Variants in SDK1 observed in about 807,000 individuals in gnomAD.
SDK1 encodes the protein sidekick cell adhesion molecule 1, also known as protein sidekick-1.
In SDK1, 157 loss-of-function variants were observed where a neutral mutation model predicts 245.5. That is an observed-to-expected ratio of 0.64 (90% CI 0.56 to 0.73). SDK1 has a LOEUF of 0.73. Ranked by LOEUF, SDK1 falls within the 30% of genes least tolerant of loss-of-function variation. The pLI is 0.00. For synonymous variants in SDK1, 1,647 were observed against 1,278.5 expected, an observed-to-expected ratio of 1.29 and a Z score of -6.15; for missense variants, 3,583 against 3,002.3, an observed-to-expected ratio of 1.19 and a Z score of -4.52.
At chr7:3,833,182 G>T (rs566122358) in intron 5 of SDK1, among the ~76,000 whole-genome samples, 1 of 152,058 alleles carries the variant, frequency 6.6e-6, no homozygotes, top group African/African-American at 2.4e-5. Context: ...AAGAATGAAG[G>T]CTTTTCCATT....
At chr7:3,766,636 C>G (rs1264739803) in intron 4 of SDK1, among the ~76,000 whole-genome samples, 2 of 152,094 alleles carry the variant, frequency 1.3e-5, no homozygotes, top group Non-Finnish European at 2.9e-5. Context: ...CATGCAAGAT[C>G]TGTAAAGAAT....
intron 1 of SDK1, among the ~76,000 whole-genome samples, chr7:3,559,322 T>C (rs1779678474): frequency 6.6e-6 from 1 of 152,112 alleles, no homozygotes; most frequent in Non-Finnish European, 1.5e-5. Flanking sequence ...CTTTGTGAAA[T>C]GGTAGTTGGA....
intron 16 of SDK1, 75 bp downstream of exon 16, chr7:4,012,310 C>G: frequency 7.2e-7 from 1 of 1,395,320 alleles, no homozygotes; most frequent in Non-Finnish European, 9.4e-7. Context: ...GTTGCAAACT[C>G]TAATGTCTGT....
chr7:3,331,957 A>G (rs1479025768), intron 1 of SDK1, among the ~76,000 whole-genome samples: 4 of 152,222 alleles, frequency 2.6e-5, no homozygotes, highest in Non-Finnish European at 5.9e-5. Flanking sequence ...CTTACTTTAC[A>G]GGTACTAAAA....
At chr7:3,579,529 T>C (rs1047711572) in intron 1 of SDK1, among the ~76,000 whole-genome samples, 5 of 152,172 alleles carry the variant, frequency 3.3e-5, no homozygotes, top group African/African-American at 1.2e-4. Context: ...AACCTCAAAA[T>C]AATAAGAGCC....
chr7:3,645,304 A>T (rs756386349), intron 4 of SDK1, among the ~76,000 whole-genome samples: 4 of 152,200 alleles, frequency 2.6e-5, no homozygotes, highest in Non-Finnish European at 5.9e-5. Context: ...TCAGGAAAAT[A>T]ATGCAGTATA....
intron 1 of SDK1, among the ~76,000 whole-genome samples, chr7:3,422,154 A>G (rs1441142344): frequency 1.3e-5 from 2 of 152,214 alleles, no homozygotes; most frequent in Non-Finnish European, 2.9e-5. Flanking sequence ...TCTGTATCCA[A>G]TTAGAATAAA....
chr7:3,831,550 A>G (rs998421550), intron 5 of SDK1, among the ~76,000 whole-genome samples: 4 of 152,176 alleles, frequency 2.6e-5, no homozygotes, highest in African/African-American at 4.8e-5. Context: ...GGGAGCACCT[A>G]GAGTGGTACC....
At chr7:4,248,533 TACAC>T (rs955825617) in intron 44 of SDK1, among the ~76,000 whole-genome samples, 1 of 151,136 alleles carries the variant, frequency 6.6e-6, no homozygotes, top group Non-Finnish European at 1.5e-5. Flanking sequence ...TACGTACACA[TACAC>T]ACATGCAAAC....
intron 1 of SDK1, among the ~76,000 whole-genome samples, chr7:3,460,116 A>G (rs898219247): frequency 1.1e-4 from 17 of 152,188 alleles, no homozygotes; most frequent in Admixed American, 4.6e-4. Flanking sequence ...ATTTTCATAA[A>G]CTATTGCTTC....
chr7:3,632,239 C>T (rs1475988241), intron 2 of SDK1, among the ~76,000 whole-genome samples: 1 of 152,150 alleles, frequency 6.6e-6, no homozygotes, highest in Admixed American at 6.5e-5. Flanking sequence ...ATATGGATTG[C>T]ACATTTTCTG....
At chr7:3,742,827 T>G (rs777491876) in intron 4 of SDK1, among the ~76,000 whole-genome samples, 1 of 152,068 alleles carries the variant, frequency 6.6e-6, no homozygotes, top group Non-Finnish European at 1.5e-5. Flanking sequence ...TCCTTTTGGA[T>G]AGAGGTCGAA....
At chr7:3,984,466 G>C (rs1232213956) in intron 13 of SDK1, among the ~76,000 whole-genome samples, 1 of 152,132 alleles carries the variant, frequency 6.6e-6, no homozygotes. Flanking sequence ...TTTAGAATTC[G>C]ATCAAACATA....
intron 38 of SDK1, among the ~76,000 whole-genome samples, chr7:4,214,619 G>A (rs1225517915): frequency 2.6e-5 from 4 of 152,088 alleles, no homozygotes; most frequent in African/African-American, 4.8e-5. Flanking sequence ...AGGCCTCCCC[G>A]GGTGTCAGGA....
chr7:3,670,291 C>G (rs1302988968), intron 4 of SDK1, among the ~76,000 whole-genome samples: 1 of 152,082 alleles, frequency 6.6e-6, no homozygotes, highest in African/African-American at 2.4e-5. Context: ...AATTCAGTTC[C>G]TTCCCTTATC....
At chr7:3,346,203 G>A (rs960307452) in intron 1 of SDK1, among the ~76,000 whole-genome samples, 10 of 152,110 alleles carry the variant, frequency 6.6e-5, no homozygotes, top group Admixed American at 3.3e-4. Context: ...TCATAATAAA[G>A]CTGATTGTGC....
Position 4,095,821 on chromosome 7 carries a change from G to A in SDK1, c.3325-14842G>A, listed in dbSNP as rs148328728. ...ACTTTTGACCTCAGGTGATCTGCCC[G>A]CTTCGGCCTCCCAAAGTGCTGGCAT... is the stretch of plus-strand genomic sequence containing the variant. On this transcript the variant is annotated intron_variant, in intron 22 of 44. Transcript: ENST00000404826. Among the ~76,000 whole-genome samples, 25 of 152,292 alleles carry A rather than the reference G, an allele frequency of 1.6e-4. No individual in the cohort carries two copies. In the East Asian group the frequency reaches 3.1e-3, roughly 19 times the overall value.
At chr7:3,782,880 A>G (rs1467094463) in intron 4 of SDK1, among the ~76,000 whole-genome samples, 1 of 152,228 alleles carries the variant, frequency 6.6e-6, no homozygotes, top group Non-Finnish European at 1.5e-5. Flanking sequence ...TTACAAAGCC[A>G]ACATTACCTT....
intron 4 of SDK1, among the ~76,000 whole-genome samples, chr7:3,808,340 C>G (rs998682280): frequency 2.0e-5 from 3 of 152,078 alleles, no homozygotes; most frequent in Admixed American, 6.5e-5. Context: ...AGGGTCGGTC[C>G]CTAGGGAGGT....
Sources: allele counts gnomAD v4.1 joint callset (sites outside exome capture counted in the v4.1 genomes callset), GRCh38; gene constraint gnomAD v4.1.1; transcripts MANE v1.5; gene names NCBI Gene and HGNC (gene_info 2026-07-23, HGNC 2026-07-21).